The following EPB41 variants were observed in gnomAD, a reference collection of about 807,000 sequenced individuals.
EPB41 encodes the protein protein 4.1.
A neutral mutation model predicts 108.0 loss-of-function variants in EPB41; 65 were observed. That is an observed-to-expected ratio of 0.60 (90% CI 0.49 to 0.74). The LOEUF is 0.74. EPB41 is among the 30% of genes least tolerant of loss of function. The pLI is 0.00. For synonymous variants in EPB41, 336 were observed against 358.9 expected, an observed-to-expected ratio of 0.94 and a Z score of 0.72; for missense variants, 875 against 1,037.0, an observed-to-expected ratio of 0.84 and a Z score of 2.15.
At chr1:28,940,630 C>T (rs747467872) in intron 1 of EPB41, among the ~76,000 whole-genome samples, 9 of 152,016 alleles carry the variant, frequency 5.9e-5, no homozygotes, top group Non-Finnish European at 1.0e-4. Flanking sequence ...CCAGCCTGGG[C>T]GACAGAGCGA....
chr1:29,074,040 G>A (rs185332087), intron 16 of EPB41, among the ~76,000 whole-genome samples: 4 of 152,208 alleles, frequency 2.6e-5, no homozygotes, highest in East Asian at 3.9e-4. Flanking sequence ...GACACATGAG[G>A]CATTAGAGAT....
intron 2 of EPB41, among the ~76,000 whole-genome samples, chr1:28,988,130 G>A (rs976902193): frequency 2.0e-4 from 30 of 152,162 alleles, no homozygotes; most frequent in African/African-American, 6.5e-4. Flanking sequence ...GGGCCTGATG[G>A]CGGGTGCCTG....
intron 16 of EPB41, among the ~76,000 whole-genome samples, chr1:29,094,777 G>T (rs565200639): frequency 6.6e-6 from 1 of 152,052 alleles, no homozygotes; most frequent in Non-Finnish European, 1.5e-5. Context: ...CATCTACTGG[G>T]ATGGTATCTT....
chr1:28,982,525 A>G, intron 1 of EPB41: 6 of 1,055,374 alleles, frequency 5.7e-6, no homozygotes, highest in South Asian at 1.2e-5. Flanking sequence ...GCTATCATCA[A>G]TGTTCTTCAC....
rs185761296 is a variant in EPB41, at chr1:29,039,216, A to G, written c.1464-38A>G. 7.6e-6 allele frequency: 12 copies of G among 1,578,806 alleles called. No individual in the cohort carries two copies. In the Admixed American group the frequency reaches 1.7e-4, roughly 22 times the overall value. The stretch of plus-strand genomic sequence containing the variant: ...TTTACAGTTTTAGAATAATAAGATG[A>G]ATATATAATAATATGACTATTACGA... On this transcript the variant is annotated intron_variant, in intron 10 of 20. Transcript: ENST00000343067.
intron 15 of EPB41, among the ~76,000 whole-genome samples, chr1:29,064,195 G>T (rs754079734): frequency 6.6e-6 from 1 of 152,176 alleles, no homozygotes; most frequent in Non-Finnish European, 1.5e-5. Flanking sequence ...GAAGGTTATT[G>T]CAAGAAGTCC....
chr1:28,888,962 G>A (rs1009516507), intron 1 of EPB41, among the ~76,000 whole-genome samples: 10 of 152,158 alleles, frequency 6.6e-5, no homozygotes, highest in Admixed American at 1.3e-4. Flanking sequence ...GAAACTTTGC[G>A]CAAGGAGGTA....
At chr1:28,971,496 T>A (rs2095496234) in intron 1 of EPB41, among the ~76,000 whole-genome samples, 1 of 152,116 alleles carries the variant, frequency 6.6e-6, no homozygotes, top group Admixed American at 6.6e-5. Context: ...CATTTACTCT[T>A]TAAACAAAAT....
At chr1:28,990,602 G>A (rs554366822) in intron 2 of EPB41, among the ~76,000 whole-genome samples, 5 of 151,588 alleles carry the variant, frequency 3.3e-5, no homozygotes, top group South Asian at 4.2e-4. Context: ...AAATTTTTTG[G>A]TAGAGACGGT....
chr1:29,079,654 A>G (rs963986586), intron 16 of EPB41, among the ~76,000 whole-genome samples: 2 of 151,876 alleles, frequency 1.3e-5, no homozygotes, highest in African/African-American at 4.8e-5. Context: ...TAGTTGATCC[A>G]CCTTCCTCAG....
intron 2 of EPB41, among the ~76,000 whole-genome samples, chr1:28,992,361 T>G (rs549274499): frequency 6.6e-6 from 1 of 152,134 alleles, no homozygotes; most frequent in East Asian, 1.9e-4. Flanking sequence ...GATAAAAATA[T>G]GTCGGTAGTT....
intron 11 of EPB41, among the ~76,000 whole-genome samples, chr1:29,045,545 G>A (rs1279366161): frequency 1.4e-5 from 2 of 146,116 alleles, no homozygotes; most frequent in Admixed American, 7.1e-5. Flanking sequence ...TTTAGAGACA[G>A]GGTCTTGCCA....
chr1:28,905,111 C>A (rs1370595278), intron 1 of EPB41, among the ~76,000 whole-genome samples: 1 of 149,892 alleles, frequency 6.7e-6, no homozygotes. Context: ...AGGCATGAGA[C>A]TAGCTAGAAC....
intron 9 of EPB41, among the ~76,000 whole-genome samples, chr1:29,035,104 C>A (rs1029122464): frequency 1.1e-4 from 16 of 151,286 alleles, no homozygotes; most frequent in African/African-American, 3.6e-4. Flanking sequence ...ACCTCAGCCT[C>A]CTGAGTAGCT....
intron 1 of EPB41, among the ~76,000 whole-genome samples, chr1:28,948,158 C>T (rs2094554266): frequency 6.6e-6 from 1 of 151,980 alleles, no homozygotes; most frequent in African/African-American, 2.4e-5. Flanking sequence ...AACAACAGTT[C>T]TTAGAAAGCT....
rs1232582195 is a variant in EPB41 at position 28,981,014 on chromosome 1, CT to C, written c.-7-6416del. Among the ~76,000 whole-genome samples, 10 of 152,296 alleles carry C rather than the reference CT, an allele frequency of 6.6e-5. No homozygotes were observed. The South Asian group carries it at 1.9e-3, about 28-fold the overall frequency. ...CCTCGAACTCCTGACCTCAGGTGAT[CT>C]GCCCATCTCAGCCTCCCAAAGTGCT... On this transcript the variant is annotated intron_variant, in intron 1 of 20. Transcript: ENST00000343067.
intron 16 of EPB41, among the ~76,000 whole-genome samples, chr1:29,080,012 A>T (rs968802201): frequency 1.3e-5 from 2 of 152,046 alleles, no homozygotes; most frequent in Non-Finnish European, 2.9e-5. Flanking sequence ...AAAAGAAAAA[A>T]ATATATATTT....
chr1:29,048,362 G>A (rs1296262310), intron 11 of EPB41, among the ~76,000 whole-genome samples: 1 of 151,912 alleles, frequency 6.6e-6, no homozygotes, highest in Non-Finnish European at 1.5e-5. Flanking sequence ...TTACAGGCAT[G>A]CACCACCACG....
intron 1 of EPB41, among the ~76,000 whole-genome samples, chr1:28,986,678 C>T (rs2095875076): frequency 6.6e-6 from 1 of 151,980 alleles, no homozygotes; most frequent in South Asian, 2.1e-4. Context: ...GCCTGTAATC[C>T]CAGCTCTTAG....
Sources: gnomAD v4.1 joint callset for allele counts (sites outside exome capture counted in the v4.1 genomes callset) on GRCh38, gnomAD v4.1.1 for gene constraint, MANE v1.5 for transcripts, NCBI Gene and HGNC (gene_info 2026-07-23, HGNC 2026-07-21) for gene names.